Variants in CDNF observed in about 807,000 individuals in gnomAD.
CDNF encodes the protein ARMET-like protein 1.
CDNF carries 9 observed loss-of-function variants against 14.8 expected under a neutral mutation model. The ratio of observed to expected loss-of-function variants is 0.61; its 90% CI spans 0.37 to 1.06. The LOEUF is 1.06. Ranked by LOEUF, CDNF falls within the 50% of genes least tolerant of loss-of-function variation. CDNF has a pLI of 0.01. For synonymous variants in CDNF, 86 were observed against 87.2 expected (o/e 0.99, Z 0.07); for missense variants, 228 against 228.4 (o/e 1.00, Z 0.01).
At chr10:14,828,611 C>A (rs949276983) in intron 1 of CDNF, among the ~76,000 whole-genome samples, 4 of 152,006 alleles carry the variant, frequency 2.6e-5, no homozygotes, top group Admixed American at 6.6e-5. Context: ...CTTACCACTG[C>A]ACTCCAGCCT....
At chr10:14,826,185 CAGA>C (rs200552089) in intron 2 of CDNF, among the ~76,000 whole-genome samples, 7,939 of 135,110 alleles carry the variant, frequency 0.059, 455 homozygotes, top group Middle Eastern at 0.13. Context: ...GCAGCAGAAG[CAGA>C]AGCAGCAGAA....
At position 14,820,149 on chromosome 10, in the gene CDNF, A is replaced by G. The variant is rs746346604; in HGVS notation, c.395T>C (p.Leu132Pro). The G allele has an allele frequency of 1.7e-5, 27 of 1,605,866 alleles. No homozygotes were observed. In the East Asian group the frequency reaches 5.6e-4, roughly 33 times the overall value. The change falls in exon 4 of 4, where the codon CTG (leucine) becomes CCG (proline). Residue 132 changes from leucine (L) to proline (P), a missense_variant. Leu to Pro is a moderately conservative substitution (Grantham distance 98). Coordinates refer to ENST00000465530, the MANE Select transcript of CDNF (RefSeq NM_001029954.3). ...CCGCAGGTCAACTGATGCCAAGTCCAGTGTTTTTTCTAAATGGCAAAAAGG... is the reference window on the plus strand; with the variant it reads ...CCGCAGGTCAACTGATGCCAAGTCCGGTGTTTTTTCTAAATGGCAAAAAGG... ...QICELKYEKT[L>P]DLASVDLRKM...
rs1833721603 is a variant in CDNF, at chr10:14,819,759, G to A, written c.*221C>T. 1 of 420,000 alleles carries A rather than the reference G, an allele frequency of 2.4e-6. No individual in the cohort carries two copies. Among genetic ancestry groups the A allele is most frequent in the Non-Finnish European group, 4.2e-6 (1 of 239,722 alleles). The allele number at this position is 420,000 out of a possible 1,614,324, so 26.0% of individuals were successfully genotyped here. ...GGCATAGTCATTCCAAGAAACTTAT[G>A]AGAAAGGAACTTTTAGCTTTTGGTA... On this transcript the variant is annotated 3_prime_UTR_variant, in exon 4 of 4. Transcript: ENST00000465530.
At chr10:14,827,879 A>G (rs1362253238) in intron 2 of CDNF, among the ~76,000 whole-genome samples, 1 of 152,004 alleles carries the variant, frequency 6.6e-6, no homozygotes, top group Non-Finnish European at 1.5e-5. Context: ...GCAACAGAGC[A>G]AGACTCTGTC....
Position 14,824,605 on chromosome 10 carries a change from C to CAA in CDNF, c.385+872_385+873dup, listed in dbSNP as rs572648812. 8.5e-3 allele frequency among the ~76,000 whole-genome samples: 549 copies of CAA among 64,590 alleles called. 11 individuals are homozygous for CAA. Among genetic ancestry groups the CAA allele is most frequent in the African/African-American group, 0.031 (504 of 16,362 alleles). 42.4% of individuals were successfully genotyped at this position (64,590 alleles called of 152,430 possible). A position where few individuals can be genotyped will look rare whatever the true frequency, so the allele number is the denominator to read the frequency against. On this transcript the variant is annotated intron_variant, in intron 3 of 3. Transcript: ENST00000465530. ...TGGGTGATAGAGCGAGACTTCCCCT[C>CAA]AAAAAAAAAAAAAAAAAAAAAAGGA...
intron 2 of CDNF, among the ~76,000 whole-genome samples, chr10:14,827,845 T>G (rs1833811690): frequency 6.6e-6 from 1 of 152,138 alleles, no homozygotes; most frequent in Non-Finnish European, 1.5e-5. Context: ...TGAGCTGAGA[T>G]GATGATACTG....
rs146495869 is a variant in CDNF, at chr10:14,828,444, C to T, written c.116-172G>A. ...TGGGCAGATCACAAGGTCAGGATAT[C>T]GAGACCATCCCGGCCAACATGGTGA... On this transcript the variant is annotated intron_variant, in intron 1 of 3. Transcript: ENST00000465530. Among the ~76,000 whole-genome samples, 588 of 151,566 alleles carry T rather than the reference C, an allele frequency of 3.9e-3. 5 individuals carry two copies. Among genetic ancestry groups the T allele is most frequent in the African/African-American group, 0.014 (559 of 41,296 alleles).
At position 14,826,083 on chromosome 10, in the gene CDNF, AAGAAGAAGAAGAAGC is replaced by A. The variant is rs1454966661; in HGVS notation, c.244-478_244-464del. On this transcript the variant is annotated intron_variant, in intron 2 of 3. Transcript: ENST00000465530. ...GAAGAAGAAGAAGAAGAAGAAGAAG[AAGAAGAAGAAGAAGC>A]AGCAGCAGCAGCAGCAGCAGCAGCA... Among the ~76,000 whole-genome samples the A allele has an allele frequency of 3.9e-3, 548 of 139,954 alleles. 1 individual carries two copies. The highest frequency in any genetic ancestry group is 5.6e-3 in the East Asian group (27 of 4,818). 91.8% of individuals were successfully genotyped at this position (139,954 alleles called of 152,430 possible). A position where few individuals can be genotyped will look rare whatever the true frequency, so the allele number is the denominator to read the frequency against.
intron 1 of CDNF, among the ~76,000 whole-genome samples, chr10:14,835,376 T>C (rs1051344862): frequency 2.6e-5 from 4 of 152,064 alleles, no homozygotes; most frequent in Non-Finnish European, 5.9e-5. Context: ...CAAGTGGGCA[T>C]AGAGACAGGA....
intron 3 of CDNF, among the ~76,000 whole-genome samples, chr10:14,822,295 C>T (rs1833744111): frequency 6.6e-6 from 1 of 152,158 alleles, no homozygotes. Flanking sequence ...ATCAAGAACT[C>T]AGCTACTTCT....
intron 1 of CDNF, among the ~76,000 whole-genome samples, chr10:14,834,510 A>T (rs1646064396): frequency 6.6e-6 from 1 of 152,176 alleles, no homozygotes; most frequent in South Asian, 2.1e-4. Context: ...CACTCTGCCA[A>T]TGTATCATCT....
intron 2 of CDNF, among the ~76,000 whole-genome samples, chr10:14,826,017 A>AAGAAGAAGAAGG (rs1438384104): frequency 8.0e-6 from 1 of 124,780 alleles, no homozygotes; most frequent in Admixed American, 8.3e-5. Flanking sequence ...GCAGAAGCAG[A>AAGAAGAAGAAGG]AGAAGAAGAA....
intron 2 of CDNF, among the ~76,000 whole-genome samples, chr10:14,826,552 A>T (rs1833798811): frequency 6.6e-6 from 1 of 152,168 alleles, no homozygotes; most frequent in Non-Finnish European, 1.5e-5. Context: ...AGAAGAAGAG[A>T]GGTTAACCTG....
chr10:14,820,624 T>C (rs1352988570), intron 3 of CDNF, among the ~76,000 whole-genome samples: 1 of 151,882 alleles, frequency 6.6e-6, no homozygotes, highest in Non-Finnish European at 1.5e-5. Context: ...TCCCAGCTAC[T>C]TGGGAGGCTG....
At chr10:14,826,155 A>AAGAAGAAGAAGC (rs1564313560) in intron 2 of CDNF, among the ~76,000 whole-genome samples, 1 of 147,332 alleles carries the variant, frequency 6.8e-6, no homozygotes, top group African/African-American at 2.6e-5. Context: ...GAAGGAGAAG[A>AAGAAGAAGAAGC]AGAAGAAGAA....
Position 14,826,014 on chromosome 10 carries a change from C to CAGAAGA in CDNF, c.244-400_244-395dup, listed in dbSNP as rs1169199931. 2.4e-3 allele frequency among the ~76,000 whole-genome samples: 224 copies of CAGAAGA among 92,770 alleles called. 4 individuals carry two copies. Among genetic ancestry groups the CAGAAGA allele is most frequent in the South Asian group, 9.8e-3 (28 of 2,854 alleles). The allele number at this position is 92,770 out of a possible 152,430, so 60.9% of individuals were successfully genotyped here. ...GAAGAAGCAGCAGAAGAAGCAGAAG[C>CAGAAGA]AGAAGAAGAAGAAGGAGAAGAAGAA... is the stretch of plus-strand genomic sequence containing the variant. On this transcript the variant is annotated intron_variant, in intron 2 of 3. Coordinates refer to ENST00000465530, the MANE Select transcript of CDNF (RefSeq NM_001029954.3).
Position 14,828,053 on chromosome 10 carries a change from A to G in CDNF, c.243+92T>C, listed in dbSNP as rs1262571734. ...TAAAATGGACATACTTGAGGCAAACATGTAAGTAGGAGGACTTCACGTCTA... is the reference window on the plus strand; with the variant it reads ...TAAAATGGACATACTTGAGGCAAACGTGTAAGTAGGAGGACTTCACGTCTA... On this transcript the variant is annotated intron_variant, in intron 2 of 3. Coordinates refer to ENST00000465530, the MANE Select transcript of CDNF (RefSeq NM_001029954.3). 6.1e-6 allele frequency: 8 copies of G among 1,308,902 alleles called. No individual in the cohort carries two copies. The Admixed American group carries it at 9.6e-5, about 16-fold the overall frequency. The allele number at this position is 1,308,902 out of a possible 1,614,324, so 81.1% of individuals were successfully genotyped here.
intron 2 of CDNF, among the ~76,000 whole-genome samples, chr10:14,826,380 A>T (rs1833792776): frequency 6.6e-6 from 1 of 151,884 alleles, no homozygotes; most frequent in Admixed American, 6.6e-5. Context: ...GAGCAGCAGC[A>T]GAAGAAGAAG....
intron 2 of CDNF, among the ~76,000 whole-genome samples, chr10:14,826,028 GGAGA>G (rs1564313266): frequency 3.7e-5 from 4 of 107,176 alleles, no homozygotes; most frequent in African/African-American, 1.9e-4. Context: ...AGAAGAAGAA[GGAGA>G]AGAAGAAGAA....
Sources: allele counts gnomAD v4.1 joint callset (sites outside exome capture counted in the v4.1 genomes callset), GRCh38; gene constraint gnomAD v4.1.1; transcripts MANE v1.5; gene names NCBI Gene and HGNC (gene_info 2026-07-23, HGNC 2026-07-21).